Variants in SLC4A8 observed in about 807,000 individuals in gnomAD.
SLC4A8 encodes solute carrier family 4 member 8.
A neutral mutation model predicts 125.0 loss-of-function variants in SLC4A8; 40 were observed. That is an observed-to-expected ratio of 0.32 (90% confidence interval 0.25 to 0.42). The LOEUF (loss-of-function observed/expected upper bound fraction) is 0.42, where lower values mean the gene tolerates loss of function less well. SLC4A8 is among the 10% of genes least tolerant of loss of function. SLC4A8 has a pLI of 1.00. For synonymous variants in SLC4A8, 456 were observed against 476.0 expected (o/e 0.96, Z 0.55); for missense variants, 863 against 1,355.1 (o/e 0.64, Z 5.70).
At chr12:51,442,105 T>G (rs748411934) in intron 2 of SLC4A8, among the ~76,000 whole-genome samples, 75 of 152,108 alleles carry the variant, frequency 4.9e-4, no homozygotes, top group Non-Finnish European at 2.8e-4. Context: ...TTATCCCTAT[T>G]TTACACATGA....
chr12:51,460,341 C>T (rs1207459831), intron 8 of SLC4A8, among the ~76,000 whole-genome samples: 1 of 152,006 alleles, frequency 6.6e-6, no homozygotes, highest in Non-Finnish European at 1.5e-5. Context: ...AGCTAGAATC[C>T]TAGGATAGCA....
chr12:51,439,508 A>T (rs1949526514), intron 1 of SLC4A8, among the ~76,000 whole-genome samples: 1 of 152,066 alleles, frequency 6.6e-6, no homozygotes, highest in Non-Finnish European at 1.5e-5. Context: ...CTCTTTGATC[A>T]TCATCAAAGG....
Position 51,450,931 on chromosome 12 carries a change from G to A in SLC4A8, c.186G>A (p.Arg62=), listed in dbSNP as rs1949944947. The A allele has an allele frequency of 6.2e-7, 1 of 1,610,350 alleles. No homozygotes were observed. The highest frequency in any genetic ancestry group is 8.5e-7 in the Non-Finnish European group (1 of 1,177,968). The change falls in exon 3 of 25, where the codon CGG becomes CGA. Residue 62 remains arginine (R), a synonymous_variant. Transcript: ENST00000453097. ...TGCCGCTTGGCCGGCAGAGCCATCG[G>A]CATCACCGCACTCATGGCCAGAAGC... ...VRMPLGRQSH[R]HHRTHGQKHR...
At chr12:51,463,062 G>GA (rs1426860591) in intron 10 of SLC4A8, among the ~76,000 whole-genome samples, 4 of 152,016 alleles carry the variant, frequency 2.6e-5, no homozygotes, top group Non-Finnish European at 5.9e-5. Context: ...GTCATCAAAT[G>GA]AAAAAAGCAA....
In SLC4A8 at chr12:51,475,158, C is replaced by T. The variant is rs761270568; in HGVS notation, c.2124C>T (p.Leu708=). The T allele has an allele frequency of 5.0e-5, 80 of 1,614,058 alleles. No homozygotes were observed. Among genetic ancestry groups the T allele is most frequent in the Non-Finnish European group, 6.3e-5 (74 of 1,180,012 alleles). The change falls in exon 16 of 25, where the codon CTC becomes CTT. Residue 708 remains leucine, a synonymous_variant. Coordinates refer to ENST00000453097, the MANE Select transcript of SLC4A8 (RefSeq NM_001039960.3). ...SCILFFTTFI[L]SSTLKTFKTS... ...TTCTCTTTTTCACCACCTTCATCCT[C>T]TCAAGCACCTTAAAGACGTTTAAGA... is the stretch of plus-strand genomic sequence containing the variant.
intron 11 of SLC4A8, among the ~76,000 whole-genome samples, chr12:51,465,239 AT>A (rs1950476823): frequency 6.6e-6 from 1 of 152,162 alleles, no homozygotes; most frequent in South Asian, 2.1e-4. Context: ...TCTTTTGGAT[AT>A]AAAGGGTGTC....
At chr12:51,437,146 A>G (rs1949447720) in intron 1 of SLC4A8, among the ~76,000 whole-genome samples, 1 of 152,222 alleles carries the variant, frequency 6.6e-6, no homozygotes, top group South Asian at 2.1e-4. Context: ...TTACTTCCCT[A>G]AAAGTTTGTT....
At chr12:51,497,340 G>A (rs1951489207) in intron 22 of SLC4A8, 1 of 517,590 alleles carries the variant, frequency 1.9e-6, no homozygotes, top group Admixed American at 3.8e-5. Context: ...TTTTTCCTTT[G>A]TTTACAATCT....
intron 22 of SLC4A8, among the ~76,000 whole-genome samples, chr12:51,499,788 A>G (rs1365411925): frequency 6.6e-6 from 1 of 152,182 alleles, no homozygotes; most frequent in African/African-American, 2.4e-5. Context: ...GAAGCAAATT[A>G]TGAGAATATC....
intron 1 of SLC4A8, among the ~76,000 whole-genome samples, chr12:51,417,095 C>T (rs1948699673): frequency 6.6e-6 from 1 of 150,840 alleles, no homozygotes; most frequent in African/African-American, 2.4e-5. Context: ...GTGAGACCCC[C>T]TGTCTCAAAA....
chr12:51,447,714 CTTT>C (rs1239053396), intron 2 of SLC4A8, among the ~76,000 whole-genome samples: 4 of 125,668 alleles, frequency 3.2e-5, no homozygotes. Context: ...GGGATTTCCA[CTTT>C]TTTTTTTTTT....
rs1365312544 is a variant in SLC4A8 at position 51,510,222 on chromosome 12, C to G, written c.*2784C>G. 1 of 152,160 alleles carries G rather than the reference C, an allele frequency of 6.6e-6. No individual in the cohort carries two copies. The highest frequency in any genetic ancestry group is 2.4e-5 in the African/African-American group (1 of 41,396). The allele number at this position is 152,160 out of a possible 1,614,324, so 9.4% of individuals were successfully genotyped here. A position where few individuals can be genotyped will look rare whatever the true frequency, so the allele number is the denominator to read the frequency against. ...TGGGCGGATCACGAGGTCAGGAGAT[C>G]GAGACCATCCTGGCTAACGTGGTGA... On this transcript the variant is annotated 3_prime_UTR_variant, in exon 25 of 25. Coordinates refer to ENST00000453097, the MANE Select transcript of SLC4A8 (RefSeq NM_001039960.3).
exon 1 of SLC4A8, chr12:51,391,452 G>A (rs1948100922): frequency 6.4e-6 from 1 of 156,048 alleles, no homozygotes; most frequent in Non-Finnish European, 1.4e-5. Context: ...GGGTAGTGAG[G>A]AGGAAGAGGA....
At position 51,482,846 on chromosome 12, in the gene SLC4A8, C is replaced by A. The variant is rs185805859; in HGVS notation, c.2173-2941C>A. Among the ~76,000 whole-genome samples, 52 of 152,182 alleles carry A rather than the reference C, an allele frequency of 3.4e-4. 1 individual carries two copies. The highest frequency in any genetic ancestry group is 1.2e-3 in the African/African-American group (48 of 41,508). ...AGCACTATGTGGCACAGAACACCTC[C>A]CAGAAAGCAGAAAATTTTTCTGCCT... is the stretch of plus-strand genomic sequence containing the variant. On this transcript the variant is annotated intron_variant, in intron 16 of 24. Coordinates refer to ENST00000453097, the MANE Select transcript of SLC4A8 (RefSeq NM_001039960.3).
chr12:51,502,313 A>T, intron 22 of SLC4A8: 1 of 150,634 alleles, frequency 6.6e-6, no homozygotes, highest in East Asian at 2.0e-4. Context: ...TCAGCTCACT[A>T]CAACCTCCTG....
rs753409143 is a variant in SLC4A8, at chr12:51,489,989, C to T, written c.2700+38C>T. The T allele has an allele frequency of 2.5e-6, 4 of 1,598,914 alleles. No individual in the cohort carries two copies. In the Admixed American group the frequency reaches 6.7e-5, roughly 27 times the overall value. On this transcript the variant is annotated intron_variant, in intron 19 of 24. Transcript: ENST00000453097. ...TCAGTCATTCAGCAAATATCAAGGG[C>T]CTGATTTGTGCCAGGAATCCTGCCA...
chr12:51,475,749 G>A (rs767608994), intron 16 of SLC4A8, among the ~76,000 whole-genome samples: 3 of 152,216 alleles, frequency 2.0e-5, no homozygotes, highest in Non-Finnish European at 4.4e-5. Context: ...TTTGTATTAT[G>A]AGCAAGGCTT....
At position 51,433,858 on chromosome 12, in the gene SLC4A8, T is replaced by G. The variant is rs1302609603; in HGVS notation, c.49-6850T>G. Among the ~76,000 whole-genome samples the G allele has an allele frequency of 5.2e-4, 31 of 59,980 alleles. No homozygotes were observed. In the South Asian group the frequency reaches 5.4e-3, roughly 10 times the overall value. 39.3% of individuals were successfully genotyped at this position (59,980 alleles called of 152,430 possible). ...ACAATGAACACACCATCTGTTTTTT[T>G]TTTTTTTTTTTTTTTTTTTTGGTTG... is the stretch of plus-strand genomic sequence containing the variant. On this transcript the variant is annotated intron_variant, in intron 1 of 24. Transcript: ENST00000453097.
chr12:51,445,170 A>ATTTTG (rs992468879), intron 2 of SLC4A8, among the ~76,000 whole-genome samples: 1 of 152,070 alleles, frequency 6.6e-6, no homozygotes, highest in South Asian at 2.1e-4. Context: ...TTAGTTTTAA[A>ATTTTG]TTTTGTTTTG....
Sources: allele counts gnomAD v4.1 joint callset (sites outside exome capture counted in the v4.1 genomes callset), GRCh38; gene constraint gnomAD v4.1.1; transcripts MANE v1.5; gene names NCBI Gene and HGNC (gene_info 2026-07-23, HGNC 2026-07-21).